Variants in SORCS1 observed in about 807,000 individuals in gnomAD.
The protein encoded by SORCS1 is VPS10 domain-containing receptor SorCS1.
A neutral mutation model predicts 146.1 loss-of-function variants in SORCS1; 60 were observed. The observed-to-expected ratio is 0.41, with a 90% CI of 0.33 to 0.51. The LOEUF is 0.51. SORCS1 is among the 20% of genes least tolerant of loss of function. The pLI, the probability that SORCS1 is intolerant of heterozygous loss-of-function variation, is 0.21. For missense variants in SORCS1, 1,352 were observed against 1,487.6 expected (o/e 0.91, Z 1.50); for synonymous variants, 637 against 584.0 (o/e 1.09, Z -1.31).
chr10:107,020,839 A>AT (rs1035075214), intron 1 of SORCS1, among the ~76,000 whole-genome samples: 2 of 151,954 alleles, frequency 1.3e-5, no homozygotes, highest in Non-Finnish European at 2.9e-5. Context: ...TAAGCAAAAT[A>AT]TTTTTTTTCT....
At chr10:107,134,638 CA>C (rs34227817) in intron 1 of SORCS1, among the ~76,000 whole-genome samples, 2 of 150,178 alleles carry the variant, frequency 1.3e-5, no homozygotes, top group African/African-American at 2.4e-5. Flanking sequence ...GACTCCATCT[CA>C]AAAAAAAAGA....
chr10:106,829,526 C>G, intron 3 of SORCS1, 48 bp downstream of exon 3: 3 of 1,424,282 alleles, frequency 2.1e-6, no homozygotes, highest in Non-Finnish European at 2.9e-6. Context: ...CCAACCAAGA[C>G]AGAAGTCACA....
intron 1 of SORCS1, among the ~76,000 whole-genome samples, chr10:107,019,646 C>T (rs1164157595): frequency 6.6e-6 from 1 of 152,152 alleles, no homozygotes; most frequent in Non-Finnish European, 1.5e-5. Flanking sequence ...CCCTAACCGT[C>T]CAAGCAGGGG....
At chr10:106,792,608 A>G (rs1946369725) in intron 3 of SORCS1, among the ~76,000 whole-genome samples, 1 of 152,250 alleles carries the variant, frequency 6.6e-6, no homozygotes, top group Non-Finnish European at 1.5e-5. Context: ...CTGGTTTCCC[A>G]GGACTGCATC....
chr10:106,669,414 T>C lies in SORCS1; in HGVS notation c.2190-1612A>G, dbSNP rs549401189. Among the ~76,000 whole-genome samples, 10 of 152,252 alleles carry C rather than the reference T, an allele frequency of 6.6e-5. No homozygotes were observed. The South Asian group carries it at 1.9e-3, about 28-fold the overall frequency. ...ACCAGAGAATAAATTTGCCTCCTGC[T>C]AAAGAATGGCTGTTTCTTAAGGCAA... On this transcript the variant is annotated intron_variant, in intron 16 of 25. Coordinates refer to ENST00000263054, the MANE Select transcript of SORCS1 (RefSeq NM_052918.5).
chr10:106,965,194 G>T (rs1420273258), intron 1 of SORCS1, among the ~76,000 whole-genome samples: 1 of 151,920 alleles, frequency 6.6e-6, no homozygotes, highest in Non-Finnish European at 1.5e-5. Context: ...CTGAAGATGT[G>T]GCTATACTCA....
At position 106,677,315 on chromosome 10, in the gene SORCS1, A is replaced by G. The variant is rs1364032058; in HGVS notation, c.1830T>C (p.Leu610=). The G allele has an allele frequency of 1.2e-6, 2 of 1,613,846 alleles. No individual in the cohort carries two copies. The highest frequency in any genetic ancestry group is 2.2e-5 in the South Asian group (2 of 91,066). ...TCACAGGCAGCATGTGCCCTTACCA[A>G]AGATGTCGAATTGGGAGAGATGTGT... is the stretch of plus-strand genomic sequence containing the variant. ...MKHTSLPIRH[L]WLSFDEGRSW... Residue 610 remains leucine (L), a splice_region_variant and synonymous_variant, in exon 13 of 26, where the codon CTT becomes CTC. Transcript: ENST00000263054.
At chr10:106,735,340 A>T (rs2756237) in intron 5 of SORCS1, among the ~76,000 whole-genome samples, 130,093 of 151,646 alleles carry the variant, frequency 0.86, 57,296 homozygotes, top group Non-Finnish European at 0.96. Context: ...CTACTATGAA[A>T]TAAGAATGAG....
At chr10:107,086,578 G>A (rs1963779118) in intron 1 of SORCS1, among the ~76,000 whole-genome samples, 2 of 152,134 alleles carry the variant, frequency 1.3e-5, no homozygotes, top group South Asian at 2.1e-4. Context: ...TGGACTTTAG[G>A]CACATCTGAA....
At chr10:106,905,864 A>G (rs142225818) in intron 2 of SORCS1, among the ~76,000 whole-genome samples, 1 of 152,344 alleles carries the variant, frequency 6.6e-6, no homozygotes, top group East Asian at 1.9e-4. Flanking sequence ...TAGAATTAAA[A>G]GGCTCTAATT....
intron 1 of SORCS1, among the ~76,000 whole-genome samples, chr10:107,106,935 T>C (rs1965351196): frequency 6.6e-6 from 1 of 152,194 alleles, no homozygotes; most frequent in Non-Finnish European, 1.5e-5. Context: ...CCTCACCAGA[T>C]ACCTAATCTA....
chr10:106,851,237 G>T (rs1949558524), intron 2 of SORCS1, among the ~76,000 whole-genome samples: 1 of 152,048 alleles, frequency 6.6e-6, no homozygotes, highest in African/African-American at 2.4e-5. Flanking sequence ...CATAGATTGT[G>T]ACTTTGGTCT....
intron 2 of SORCS1, among the ~76,000 whole-genome samples, chr10:106,933,063 G>T (rs1182563646): frequency 6.6e-6 from 1 of 152,190 alleles, no homozygotes; most frequent in Non-Finnish European, 1.5e-5. Flanking sequence ...ATGCAAAAGA[G>T]ATTACATGTA....
intron 3 of SORCS1, among the ~76,000 whole-genome samples, chr10:106,817,266 A>C (rs1947792355): frequency 6.6e-6 from 1 of 152,220 alleles, no homozygotes. Flanking sequence ...TTTGGCTCCT[A>C]AGAAAAGCTA....
intron 1 of SORCS1, among the ~76,000 whole-genome samples, chr10:107,049,186 T>C (rs1203278574): frequency 6.8e-6 from 1 of 147,240 alleles, no homozygotes; most frequent in South Asian, 2.2e-4. Flanking sequence ...AAACACCGCA[T>C]GTTCTCACTC....
At chr10:106,609,777 G>C (rs1383487949) in intron 22 of SORCS1, among the ~76,000 whole-genome samples, 1 of 152,216 alleles carries the variant, frequency 6.6e-6, no homozygotes, top group African/African-American at 2.4e-5. Context: ...CTGGTAGAAA[G>C]GTGGAGGTAC....
chr10:106,622,706 G>A (rs1236527021), intron 19 of SORCS1, among the ~76,000 whole-genome samples: 4 of 152,138 alleles, frequency 2.6e-5, no homozygotes, highest in Admixed American at 2.6e-4. Context: ...TTCTGCTAAC[G>A]ACTCTGTTTT....
intron 1 of SORCS1, among the ~76,000 whole-genome samples, chr10:107,021,020 T>C (rs1216362115): frequency 6.6e-6 from 1 of 152,116 alleles, no homozygotes; most frequent in Admixed American, 6.6e-5. Context: ...TGCTATTTAT[T>C]GAATGTCTAT....
chr10:107,042,394 A>G (rs1242397180), intron 1 of SORCS1, among the ~76,000 whole-genome samples: 2 of 152,182 alleles, frequency 1.3e-5, no homozygotes, highest in African/African-American at 2.4e-5. Flanking sequence ...ATTTATAAAG[A>G]GCTTTGGGGA....
Sources: gnomAD v4.1 joint callset for allele counts (sites outside exome capture counted in the v4.1 genomes callset) on GRCh38, gnomAD v4.1.1 for gene constraint, MANE v1.5 for transcripts, NCBI Gene and HGNC (gene_info 2026-07-23, HGNC 2026-07-21) for gene names.